The following DGKB variants were observed in gnomAD, a reference collection of about 807,000 sequenced individuals.
The protein encoded by DGKB is 90 kDa diacylglycerol kinase.
A neutral mutation model predicts 114.3 loss-of-function variants in DGKB; 67 were observed. The ratio of observed to expected loss-of-function variants is 0.59; its 90% CI spans 0.48 to 0.72. The LOEUF (loss-of-function observed/expected upper bound fraction) is 0.72, where lower values mean the gene tolerates loss of function less well. Ranked by LOEUF, DGKB falls within the 30% of genes least tolerant of loss-of-function variation. The probability of loss-of-function intolerance (pLI) is 0.00; values close to 1 mark genes in which losing one functional copy is unlikely to be tolerated. For synonymous variants in DGKB, 398 were observed against 323.1 expected (o/e 1.23, Z -2.49); for missense variants, 907 against 975.2 (o/e 0.93, Z 0.93).
At chr7:14,277,377 T>C (rs1474790552) in intron 23 of DGKB, among the ~76,000 whole-genome samples, 2 of 152,176 alleles carry the variant, frequency 1.3e-5, no homozygotes, top group African/African-American at 4.8e-5. Context: ...TTTGCCATAT[T>C]GGCCAGGCTG....
intron 5 of DGKB, among the ~76,000 whole-genome samples, chr7:14,730,373 A>G (rs1228977823): frequency 6.6e-6 from 1 of 152,178 alleles, no homozygotes; most frequent in Non-Finnish European, 1.5e-5. Context: ...TCCCAGTTGC[A>G]CACTCCAGGT....
intron 1 of DGKB, among the ~76,000 whole-genome samples, chr7:14,849,465 T>G (rs1046723266): frequency 1.3e-5 from 2 of 152,106 alleles, no homozygotes; most frequent in African/African-American, 4.8e-5. Context: ...CCTTTGCCCT[T>G]CCATCTTCCA....
chr7:14,488,699 G>A (rs1160666873), intron 20 of DGKB, among the ~76,000 whole-genome samples: 3 of 149,526 alleles, frequency 2.0e-5, no homozygotes, highest in Admixed American at 6.7e-5. Flanking sequence ...GTGGTGGCAC[G>A]CACCTGTAGT....
At chr7:14,224,661 G>C (rs1373092596) in intron 23 of DGKB, among the ~76,000 whole-genome samples, 1 of 151,850 alleles carries the variant, frequency 6.6e-6, no homozygotes, top group East Asian at 1.9e-4. Context: ...TTTTGTGACT[G>C]TCTGGCTTAT....
intron 13 of DGKB, among the ~76,000 whole-genome samples, chr7:14,662,280 A>T (rs1817285006): frequency 6.6e-6 from 1 of 151,990 alleles, no homozygotes; most frequent in East Asian, 1.9e-4. Flanking sequence ...AGTTTAAAAA[A>T]AAAGTGAGAT....
chr7:14,596,017 G>A (rs1802516179), intron 17 of DGKB, among the ~76,000 whole-genome samples: 2 of 151,988 alleles, frequency 1.3e-5, no homozygotes, highest in African/African-American at 4.8e-5. Flanking sequence ...TTGAATTCAT[G>A]ATATACATTA....
intron 24 of DGKB, 117 bp downstream of exon 24, chr7:14,177,914 T>C: frequency 4.7e-6 from 5 of 1,073,664 alleles, no homozygotes. Context: ...TTAGTATTAA[T>C]AACTGATTAT....
At chr7:14,166,629 C>T (rs1461630873) in intron 25 of DGKB, among the ~76,000 whole-genome samples, 1 of 152,008 alleles carries the variant, frequency 6.6e-6, no homozygotes, top group Non-Finnish European at 1.5e-5. Flanking sequence ...CACTATAAAC[C>T]CTGGGCAGAA....
At chr7:14,218,178 C>A (rs1217728077) in intron 23 of DGKB, among the ~76,000 whole-genome samples, 1 of 151,976 alleles carries the variant, frequency 6.6e-6, no homozygotes, top group Non-Finnish European at 1.5e-5. Flanking sequence ...TAATCAGTTT[C>A]AATACGAGGT....
At chr7:14,838,059 C>G (rs1847397507) in intron 2 of DGKB, among the ~76,000 whole-genome samples, 1 of 152,114 alleles carries the variant, frequency 6.6e-6, no homozygotes, top group Non-Finnish European at 1.5e-5. Flanking sequence ...ATTTACTGAA[C>G]AACCATTGAT....
Position 14,841,363 on chromosome 7 carries a change from T to A in DGKB, c.-100A>T. 1 of 983,856 alleles carries A rather than the reference T, an allele frequency of 1.0e-6. No homozygotes were observed. Among genetic ancestry groups the A allele is most frequent in the Non-Finnish European group, 1.5e-6 (1 of 659,396 alleles). 60.9% of individuals were successfully genotyped at this position (983,856 alleles called of 1,614,324 possible). ...CAAAGATTCCACATGGCATGTTTCA[T>A]GATAAAATACCTCAGGCTTTCAAAA... On this transcript the variant is annotated 5_prime_UTR_variant, in exon 2 of 26. An upstream start codon of the reference 5' UTR is lost. Coordinates refer to ENST00000402815, the MANE Select transcript of DGKB (RefSeq NM_001350709.2).
intron 2 of DGKB, among the ~76,000 whole-genome samples, chr7:14,822,778 G>A (rs529008653): frequency 6.6e-6 from 1 of 152,194 alleles, no homozygotes; most frequent in Admixed American, 6.6e-5. Context: ...TATTAACTAC[G>A]AAATAACAGA....
At chr7:14,400,704 T>G in intron 21 of DGKB, among the ~76,000 whole-genome samples, 1 of 150,658 alleles carries the variant, frequency 6.6e-6, no homozygotes, top group East Asian at 2.0e-4. Flanking sequence ...AAGGCTAAAA[T>G]GAAAAAAAAA....
rs529944449 is a variant in DGKB at position 14,800,787 on chromosome 7, C to T, written c.70+40407G>A. 3.9e-5 allele frequency among the ~76,000 whole-genome samples: 6 copies of T among 152,208 alleles called. No individual in the cohort carries two copies. The South Asian group carries it at 1.2e-3, about 32-fold the overall frequency. On this transcript the variant is annotated intron_variant, in intron 2 of 25. Coordinates refer to ENST00000402815, the MANE Select transcript of DGKB (RefSeq NM_001350709.2). ...AATCAACAGGCAAAGAATTGAGTTA[C>T]AATGTTGGCTTAGTATTACCATGGC...
chr7:14,873,037 C>T (rs1489146372), intron 1 of DGKB, among the ~76,000 whole-genome samples: 1 of 151,904 alleles, frequency 6.6e-6, no homozygotes, highest in Non-Finnish European at 1.5e-5. Flanking sequence ...AAAAAGTAAC[C>T]AGAAACGAAA....
chr7:14,621,540 CAT>C (rs768657969), intron 14 of DGKB, 46 bp from the exon 15 acceptor site: 2 of 1,158,568 alleles, frequency 1.7e-6, no homozygotes, highest in Non-Finnish European at 2.5e-6. Flanking sequence ...AGGAAAATAA[CAT>C]AATAAAATGT....
At chr7:14,689,205 T>TTTA (rs1306875949) in intron 9 of DGKB, among the ~76,000 whole-genome samples, 2 of 121,138 alleles carry the variant, frequency 1.7e-5, no homozygotes, top group East Asian at 5.3e-4. Flanking sequence ...TCTTATTTTT[T>TTTA]TTTTTTTTTT....
At chr7:14,355,785 G>T (rs1814346286) in intron 21 of DGKB, among the ~76,000 whole-genome samples, 1 of 152,102 alleles carries the variant, frequency 6.6e-6, no homozygotes, top group Non-Finnish European at 1.5e-5. Flanking sequence ...GATGATGCTG[G>T]CCTCATAAAA....
At chr7:14,769,653 T>G (rs2128469516) in intron 2 of DGKB, among the ~76,000 whole-genome samples, 1 of 152,228 alleles carries the variant, frequency 6.6e-6, no homozygotes, top group South Asian at 2.1e-4. Flanking sequence ...TGCAGAAATT[T>G]ACTTTTTCAT....
Sources: allele counts gnomAD v4.1 joint callset (sites outside exome capture counted in the v4.1 genomes callset), GRCh38; gene constraint gnomAD v4.1.1; transcripts MANE v1.5; gene names NCBI Gene and HGNC (gene_info 2026-07-23, HGNC 2026-07-21).